The following THSD7B variants were observed in gnomAD, a reference collection of about 807,000 sequenced individuals.
THSD7B encodes thrombospondin type-1 domain-containing protein 7B.
Under a neutral mutation model 213.6 loss-of-function variants are expected in THSD7B, and 138 were observed. The observed-to-expected ratio is 0.65, with a 90% confidence interval of 0.56 to 0.74. THSD7B has a LOEUF of 0.74. Ranked by LOEUF, THSD7B falls within the 30% of genes least tolerant of loss-of-function variation. The pLI is 0.00. For missense variants in THSD7B, 1,931 were observed against 1,991.5 expected, an observed-to-expected ratio of 0.97 and a Z score of 0.58; for synonymous variants, 742 against 687.0, an observed-to-expected ratio of 1.08 and a Z score of -1.25.
intron 15 of THSD7B, among the ~76,000 whole-genome samples, chr2:137,542,968 T>C (rs1680636454): frequency 6.6e-6 from 1 of 151,778 alleles, no homozygotes; most frequent in South Asian, 2.1e-4. Flanking sequence ...TATTATCTTA[T>C]AGTTCTAGAG....
At chr2:137,349,691 A>G (rs1684964509) in intron 12 of THSD7B, among the ~76,000 whole-genome samples, 1 of 151,792 alleles carries the variant, frequency 6.6e-6, no homozygotes, top group Admixed American at 6.6e-5. Context: ...ACTCTTGAAT[A>G]CCTAGGTAGT....
At chr2:137,644,715 C>CT (rs1682998065) in intron 21 of THSD7B, among the ~76,000 whole-genome samples, 1 of 152,126 alleles carries the variant, frequency 6.6e-6, no homozygotes, top group South Asian at 2.1e-4. Context: ...GGAAAAACAT[C>CT]TTTCTGCCGC....
intron 21 of THSD7B, among the ~76,000 whole-genome samples, chr2:137,648,422 ACT>A (rs1329942044): frequency 6.6e-6 from 1 of 151,818 alleles, no homozygotes; most frequent in Non-Finnish European, 1.5e-5. Context: ...ACCAATCTTA[ACT>A]CTCTATCTTT....
chr2:137,298,670 C>CA (rs1338530276), intron 12 of THSD7B, among the ~76,000 whole-genome samples: 1 of 152,182 alleles, frequency 6.6e-6, no homozygotes, highest in Non-Finnish European at 1.5e-5. Flanking sequence ...CCAGCCACTC[C>CA]AGTCATGGCT....
intron 5 of THSD7B, among the ~76,000 whole-genome samples, chr2:137,116,290 G>A (rs192366770): frequency 1.6e-4 from 25 of 152,294 alleles, no homozygotes; most frequent in African/African-American, 5.5e-4. Flanking sequence ...CAGGGCTACA[G>A]CTGTTTTTGA....
intron 15 of THSD7B, among the ~76,000 whole-genome samples, chr2:137,521,001 A>C (rs1451158480): frequency 6.6e-6 from 1 of 152,162 alleles, no homozygotes; most frequent in Non-Finnish European, 1.5e-5. Context: ...AAGGCTTCCT[A>C]ATTTCTCTGA....
chr2:137,011,432 G>T (rs1558886201), intron 2 of THSD7B, among the ~76,000 whole-genome samples: 1 of 152,148 alleles, frequency 6.6e-6, no homozygotes, highest in Non-Finnish European at 1.5e-5. Flanking sequence ...ATAATTCTAA[G>T]TTGTACGGAC....
intron 15 of THSD7B, among the ~76,000 whole-genome samples, chr2:137,480,523 CTG>C (rs1204683167): frequency 7.2e-5 from 11 of 152,100 alleles, no homozygotes; most frequent in African/African-American, 1.7e-4. Context: ...AAAAAAGTAA[CTG>C]TAAGTATTAG....
In THSD7B at chr2:137,644,580, ATTG is replaced by A. The variant is rs1311552769; in HGVS notation, c.3945+1950_3945+1952del. ...ACATTCCTACTTTTCCTGCAGCCTGATTGTTAACTCTTTGTGAGATAGGTAACA... is the reference window on the plus strand; with the variant it reads ...ACATTCCTACTTTTCCTGCAGCCTGATTAACTCTTTGTGAGATAGGTAACA... On this transcript the variant is annotated intron_variant, in intron 21 of 27. Transcript: ENST00000409968. 2.0e-5 allele frequency among the ~76,000 whole-genome samples: 3 copies of A among 152,328 alleles called. No individual in the cohort carries two copies. The South Asian group carries it at 6.2e-4, about 32-fold the overall frequency.
intron 2 of THSD7B, among the ~76,000 whole-genome samples, chr2:136,973,318 T>C (rs756858009): frequency 2.6e-5 from 4 of 152,198 alleles, no homozygotes; most frequent in Non-Finnish European, 5.9e-5. Context: ...TCCATTCTTG[T>C]ATTGCTCACA....
intron 15 of THSD7B, among the ~76,000 whole-genome samples, chr2:137,491,330 A>G (rs1465983500): frequency 6.6e-6 from 1 of 152,222 alleles, no homozygotes; most frequent in Non-Finnish European, 1.5e-5. Flanking sequence ...TGAATTGATC[A>G]TGGAAAAGAC....
chr2:137,330,908 T>TGCGCAG (rs1684488383), intron 12 of THSD7B, among the ~76,000 whole-genome samples: 1 of 152,168 alleles, frequency 6.6e-6, no homozygotes, highest in Non-Finnish European at 1.5e-5. Flanking sequence ...GGGCGCTGAT[T>TGCGCAG]GGTGCATTTA....
Position 137,358,012 on chromosome 2 carries a change from G to C in THSD7B, c.2501-47601G>C, listed in dbSNP as rs1230082787. ...TTCTCCATTTAATTTCTCCTACCTT[G>C]CCTAACACTTTCCCTTTTTTATGGT... is the stretch of plus-strand genomic sequence containing the variant. On this transcript the variant is annotated intron_variant, in intron 12 of 27. Transcript: ENST00000409968. Among the ~76,000 whole-genome samples, 6 of 152,076 alleles carry C rather than the reference G, an allele frequency of 3.9e-5. No individual in the cohort carries two copies. In the East Asian group the frequency reaches 1.2e-3, roughly 29 times the overall value.
intron 3 of THSD7B, among the ~76,000 whole-genome samples, chr2:137,087,522 G>T (rs1219658232): frequency 6.6e-6 from 1 of 152,130 alleles, no homozygotes; most frequent in African/African-American, 2.4e-5. Flanking sequence ...ACCAAGCTGA[G>T]AATCAAATCA....
intron 7 of THSD7B, among the ~76,000 whole-genome samples, chr2:137,220,306 G>A (rs1205409785): frequency 6.6e-6 from 1 of 151,650 alleles, no homozygotes; most frequent in Non-Finnish European, 1.5e-5. Flanking sequence ...TTTCTTTCTA[G>A]AATGTATAAG....
chr2:136,877,277 T>A (rs1472712730), intron 1 of THSD7B, among the ~76,000 whole-genome samples: 5 of 152,210 alleles, frequency 3.3e-5, no homozygotes, highest in African/African-American at 1.2e-4. Flanking sequence ...AGTAGCCATT[T>A]TGCCTAATTT....
At chr2:137,529,255 G>T (rs1403036978) in intron 15 of THSD7B, among the ~76,000 whole-genome samples, 2 of 151,936 alleles carry the variant, frequency 1.3e-5, no homozygotes, top group Non-Finnish European at 2.9e-5. Context: ...GTACTCTGTG[G>T]ATATTTGTTG....
intron 2 of THSD7B, among the ~76,000 whole-genome samples, chr2:136,926,672 T>G (rs1041638649): frequency 1.3e-5 from 2 of 149,584 alleles, no homozygotes; most frequent in Admixed American, 1.3e-4. Context: ...CCAGCCTGGA[T>G]GACAGAACGA....
chr2:137,074,034 T>A (rs537342561), intron 3 of THSD7B, among the ~76,000 whole-genome samples: 26 of 152,140 alleles, frequency 1.7e-4, no homozygotes, highest in African/African-American at 6.3e-4. Flanking sequence ...GTAGGTGTAG[T>A]GTGGTGCTGA....
Sources: allele counts gnomAD v4.1 joint callset (sites outside exome capture counted in the v4.1 genomes callset), GRCh38; gene constraint gnomAD v4.1.1; transcripts MANE v1.5; gene names NCBI Gene and HGNC (gene_info 2026-07-23, HGNC 2026-07-21).